Variants in LTBP2 observed in about 807,000 individuals in gnomAD.
LTBP2 encodes latent-transforming growth factor beta-binding protein 2.
A neutral mutation model predicts 210.6 loss-of-function variants in LTBP2; 103 were observed. That is an observed-to-expected ratio of 0.49 (90% CI 0.42 to 0.58). The LOEUF (loss-of-function observed/expected upper bound fraction) is 0.58, where lower values mean the gene tolerates loss of function less well. LTBP2 is among the 20% of genes least tolerant of loss of function. The pLI, the probability that LTBP2 is intolerant of heterozygous loss-of-function variation, is 0.00. For missense variants in LTBP2, 2,313 were observed against 2,494.5 expected (o/e 0.93, Z 1.55); for synonymous variants, 1,007 against 1,015.0 (o/e 0.99, Z 0.15).
chr14:74,503,988 G>A lies in LTBP2; in HGVS notation c.4520C>T (p.Pro1507Leu). Reference sequence around the variant, plus strand: ...GGGATTGCACAGGCAGACATAACCAGGCACGGTGTTGAGGCACCGGCCGTT... The same window carrying A: ...GGGATTGCACAGGCAGACATAACCAAGCACGGTGTTGAGGCACCGGCCGTT... ...CPNGRCLNTV[P>L]GYVCLCNPGF... Residue 1507 changes from proline (P) to leucine (L), a missense_variant, in exon 31 of 36, where the codon CCT becomes CTT. Physicochemically the swap from Pro to Leu is moderately conservative, Grantham distance 98. Coordinates refer to ENST00000261978, the MANE Select transcript of LTBP2 (RefSeq NM_000428.3). 6.2e-7 allele frequency: 1 copy of A among 1,614,150 alleles called. No individual in the cohort carries two copies. The highest frequency in any genetic ancestry group is 1.1e-5 in the South Asian group (1 of 91,080).
chr14:74,570,099 A>G (rs2139771132), intron 3 of LTBP2, among the ~76,000 whole-genome samples: 1 of 152,286 alleles, frequency 6.6e-6, no homozygotes, highest in East Asian at 1.9e-4. Context: ...AGGAGATTGG[A>G]GGAGGGGCTG....
rs543997560 is a variant in LTBP2, at chr14:74,590,366, G to A, written c.566-4248C>T. Among the ~76,000 whole-genome samples the A allele has an allele frequency of 7.2e-5, 11 of 152,330 alleles. No individual in the cohort carries two copies. The South Asian group carries it at 2.3e-3, about 32-fold the overall frequency. The stretch of plus-strand genomic sequence containing the variant: ...GTCTACTGCAGCACAATTCATGATT[G>A]CAAAGATATGGAACCAACTTAATGC... On this transcript the variant is annotated intron_variant, in intron 2 of 35. Coordinates refer to ENST00000261978, the MANE Select transcript of LTBP2 (RefSeq NM_000428.3).
At chr14:74,513,947 C>G (rs551015067) in intron 18 of LTBP2, among the ~76,000 whole-genome samples, 1 of 152,178 alleles carries the variant, frequency 6.6e-6, no homozygotes, top group Non-Finnish European at 1.5e-5. Context: ...GATTATCACA[C>G]GTGAATGGGA....
chr14:74,552,387 C>G lies in LTBP2; in HGVS notation c.1199G>C (p.Cys400Ser), dbSNP rs987914104. The G allele has an allele frequency of 6.2e-7, 1 of 1,605,282 alleles. No homozygotes were observed. The highest frequency in any genetic ancestry group is 8.5e-7 in the Non-Finnish European group (1 of 1,179,958). ...GCCTCCGTTCAGGCAGGGGATCTGG[C>G]AGAAATCTGCAACATCAACCCTCAA... ...DPKSGFRIYF[C>S]QIPCLNGGRC... The change falls in exon 6 of 36, where the codon TGC becomes TCC. Residue 400 changes from cysteine to serine, a missense_variant. Cys to Ser is a moderately radical substitution (Grantham distance 112). This residue lies in a region of LTBP2 where 1,867 missense variants were observed against 1,976.9 expected (regional missense o/e 0.94). Transcript: ENST00000261978.
At position 74,503,995 on chromosome 14, in the gene LTBP2, T is replaced by A; in HGVS notation, c.4513A>T (p.Thr1505Ser). Residue 1505 changes from threonine to serine, a missense_variant, in exon 31 of 36, where the codon ACC becomes TCC. Physicochemically the swap from Thr to Ser is moderately conservative, Grantham distance 58. Coordinates refer to ENST00000261978, the MANE Select transcript of LTBP2 (RefSeq NM_000428.3). ...CACAGGCAGACATAACCAGGCACGG[T>A]GTTGAGGCACCGGCCGTTCGGGCAG... ...GLCPNGRCLN[T>S]VPGYVCLCNP... 1 of 1,613,872 alleles carries A rather than the reference T, an allele frequency of 6.2e-7. No individual in the cohort carries two copies. Among genetic ancestry groups the A allele is most frequent in the Non-Finnish European group, 8.5e-7 (1 of 1,179,858 alleles).
chr14:74,598,876 T>C (rs1031605201), intron 2 of LTBP2, among the ~76,000 whole-genome samples: 1 of 152,172 alleles, frequency 6.6e-6, no homozygotes, highest in African/African-American at 2.4e-5. Context: ...AGCACAGAGC[T>C]AAGCCCTCGC....
chr14:74,563,814 C>A (rs1443510886), intron 3 of LTBP2, among the ~76,000 whole-genome samples: 2 of 150,658 alleles, frequency 1.3e-5, no homozygotes, highest in South Asian at 4.2e-4. Context: ...TACTGTCTGG[C>A]CATTTATGGA....
At chr14:74,535,383 C>T (rs1287048345) in intron 9 of LTBP2, among the ~76,000 whole-genome samples, 1 of 152,196 alleles carries the variant, frequency 6.6e-6, no homozygotes, top group Non-Finnish European at 1.5e-5. Context: ...CACCTTGTTC[C>T]CCACTGGCCT....
chr14:74,522,062 G>A, intron 16 of LTBP2, 23 bp from the exon 17 acceptor site: 3 of 1,606,640 alleles, frequency 1.9e-6, no homozygotes, highest in Non-Finnish European at 2.6e-6. Context: ...AGGCAGGGAG[G>A]GAGGTCAGGG....
chr14:74,557,109 A>G (rs2139754452), intron 3 of LTBP2, among the ~76,000 whole-genome samples: 1 of 152,212 alleles, frequency 6.6e-6, no homozygotes, highest in South Asian at 2.1e-4. Context: ...TAAAAATACA[A>G]AAATTAGCTG....
intron 1 of LTBP2, among the ~76,000 whole-genome samples, chr14:74,606,156 G>C (rs1287886856): frequency 6.6e-6 from 1 of 152,194 alleles, no homozygotes; most frequent in Non-Finnish European, 1.5e-5. Context: ...GCACACATTA[G>C]CCCAGTATCC....
chr14:74,540,803 A>T (rs374059000), intron 8 of LTBP2, among the ~76,000 whole-genome samples: 1 of 68,792 alleles, frequency 1.5e-5, no homozygotes, highest in African/African-American at 5.0e-5. Flanking sequence ...ATTTATATAT[A>T]TATATAATAT....
At chr14:74,599,518 C>T (rs2088415783) in intron 2 of LTBP2, among the ~76,000 whole-genome samples, 1 of 152,386 alleles carries the variant, frequency 6.6e-6, no homozygotes, top group Admixed American at 6.5e-5. Flanking sequence ...AGTTCTTCCC[C>T]TCTGCTGGGC....
At chr14:74,501,824 C>A in intron 34 of LTBP2, 2 of 575,444 alleles carry the variant, frequency 3.5e-6, no homozygotes, top group Admixed American at 3.0e-5. Flanking sequence ...CAAATGAGGG[C>A]TCCAGGGAGG....
chr14:74,580,806 G>A (rs59242728), intron 3 of LTBP2, among the ~76,000 whole-genome samples: 6,734 of 152,104 alleles, frequency 0.044, 386 homozygotes, highest in African/African-American at 0.13. Flanking sequence ...AAAAAATACA[G>A]AAATTAGCTG....
At chr14:74,508,233 G>T in intron 24 of LTBP2, 138 bp from the exon 25 acceptor site, 1 of 1,130,494 alleles carries the variant, frequency 8.8e-7, no homozygotes, top group South Asian at 1.4e-5. Context: ...CGAAGCCAGA[G>T]GCCAGGCTGT....
Position 74,552,328 on chromosome 14 carries a change from C to A in LTBP2, c.1258G>T (p.Ala420Ser). 1 of 1,612,420 alleles carries A rather than the reference C, an allele frequency of 6.2e-7. No homozygotes were observed. The highest frequency in any genetic ancestry group is 8.5e-7 in the Non-Finnish European group (1 of 1,179,976). The change falls in exon 6 of 36, where the codon GCC becomes TCC. Residue 420 changes from alanine to serine, a missense_variant. Ala to Ser is a moderately conservative substitution (Grantham distance 99, BLOSUM62 1). Coordinates refer to ENST00000261978, the MANE Select transcript of LTBP2 (RefSeq NM_000428.3). ...TGGCAGAACTTCCCGGTGGAGTTGGCGGGGCACCAGCATTCGTCCCTGCCG... is the reference window on the plus strand; with the variant it reads ...TGGCAGAACTTCCCGGTGGAGTTGGAGGGGCACCAGCATTCGTCCCTGCCG... The part of the protein sequence containing the change: ...CIGRDECWCP[A>S]NSTGKFCHLP...
At chr14:74,555,448 A>T in intron 4 of LTBP2, 55 bp downstream of exon 4, 1 of 1,585,838 alleles carries the variant, frequency 6.3e-7, no homozygotes, top group Middle Eastern at 1.7e-4. Context: ...CCAAGGTGGG[A>T]GAAGAGAGTT....
intron 3 of LTBP2, among the ~76,000 whole-genome samples, chr14:74,574,304 G>T (rs947664003): frequency 2.6e-5 from 4 of 152,004 alleles, no homozygotes; most frequent in Admixed American, 1.3e-4. Context: ...CCAAACTTCC[G>T]CCATGGTAAC....
Sources: gnomAD v4.1 joint callset for allele counts (sites outside exome capture counted in the v4.1 genomes callset) on GRCh38, gnomAD v4.1.1 for gene constraint, gnomAD v4.1.1 regional missense constraint, MANE v1.5 for transcripts, NCBI Gene and HGNC (gene_info 2026-07-23, HGNC 2026-07-21) for gene names.